Variants in GABRR1 observed in about 807,000 individuals in gnomAD.
GABRR1 encodes the protein gamma-aminobutyric acid type A receptor subunit rho1.
A neutral mutation model predicts 55.5 loss-of-function variants in GABRR1; 59 were observed. That is an observed-to-expected ratio of 1.06 (90% CI 0.86 to 1.32). The LOEUF is 1.32. Among genes scored for constraint, GABRR1 ranks in the 40% most tolerant of loss-of-function variants. The pLI is 0.00. For missense variants in GABRR1, 602 were observed against 619.1 expected (o/e 0.97, Z 0.29); for synonymous variants, 213 against 226.0 (o/e 0.94, Z 0.51).
At chr6:89,198,548 C>T (rs1582391493) in intron 4 of GABRR1, among the ~76,000 whole-genome samples, 1 of 152,078 alleles carries the variant, frequency 6.6e-6, no homozygotes, top group Non-Finnish European at 1.5e-5. Context: ...ATGTGTGACT[C>T]AAGCCACAGA....
intron 7 of GABRR1, among the ~76,000 whole-genome samples, 184 bp from the exon 8 acceptor site, chr6:89,182,241 T>C (rs1324898118): frequency 2.0e-5 from 3 of 152,214 alleles, no homozygotes; most frequent in Non-Finnish European, 4.4e-5. Flanking sequence ...TGGGTGAATC[T>C]ATCTCAAGAA....
intron 5 of GABRR1, among the ~76,000 whole-genome samples, chr6:89,192,123 C>T (rs945843309): frequency 2.6e-5 from 4 of 152,026 alleles, no homozygotes; most frequent in Non-Finnish European, 5.9e-5. Context: ...CAGGTGGAAG[C>T]GCAAGGAGAC....
chr6:89,204,612 C>G (rs531371376), intron 1 of GABRR1: 30 of 1,270,264 alleles, frequency 2.4e-5, no homozygotes, highest in South Asian at 2.0e-4. Context: ...TTTGGGCCAG[C>G]CTGAAATGGA....
At position 89,178,946 on chromosome 6, in the gene GABRR1, T is replaced by G; in HGVS notation, c.1264A>C (p.Arg422=). The part of the protein sequence containing the change: ...YMPENGEKPD[R]MMVQLTLASE... ...GCCAGGGTCAGCTGCACCATCATCC[T>G]GTCGGGCTTCTCTCCATTCTCTGGC... is the stretch of plus-strand genomic sequence containing the variant. The change falls in exon 10 of 10, where the codon AGG becomes CGG. Residue 422 remains arginine, a synonymous_variant. Coordinates refer to ENST00000454853, the MANE Select transcript of GABRR1 (RefSeq NM_002042.5). 6.2e-7 allele frequency: 1 copy of G among 1,614,216 alleles called. No homozygotes were observed. Among genetic ancestry groups the G allele is most frequent in the Non-Finnish European group, 8.5e-7 (1 of 1,180,036 alleles).
intron 5 of GABRR1, among the ~76,000 whole-genome samples, chr6:89,191,788 C>T (rs1453206606): frequency 1.3e-5 from 2 of 152,156 alleles, no homozygotes; most frequent in Non-Finnish European, 2.9e-5. Context: ...CAAACCACAC[C>T]TTAATTCAGA....
chr6:89,206,818 A>G (rs979173860), intron 1 of GABRR1, among the ~76,000 whole-genome samples: 6 of 151,856 alleles, frequency 4.0e-5, no homozygotes, highest in African/African-American at 1.5e-4. Context: ...GGGTTTCACT[A>G]TGTTGCCCAA....
At chr6:89,192,167 G>C (rs1455939240) in intron 5 of GABRR1, among the ~76,000 whole-genome samples, 4 of 152,136 alleles carry the variant, frequency 2.6e-5, no homozygotes, top group Non-Finnish European at 5.9e-5. Flanking sequence ...CTGTGGCTGG[G>C]CGGCTTCCTG....
chr6:89,206,447 C>A (rs1400527056), intron 1 of GABRR1, among the ~76,000 whole-genome samples: 1 of 152,114 alleles, frequency 6.6e-6, no homozygotes, highest in African/African-American at 2.4e-5. Context: ...CCCTTTGTTA[C>A]CCAGACAACT....
intron 2 of GABRR1, among the ~76,000 whole-genome samples, chr6:89,202,467 T>C (rs540310159): frequency 2.0e-5 from 3 of 152,028 alleles, no homozygotes; most frequent in African/African-American, 7.2e-5. Flanking sequence ...AAGTTTTATA[T>C]TTTTAGTAGA....
Position 89,197,497 on chromosome 6 carries a change from T to C in GABRR1, c.572+523A>G, listed in dbSNP as rs3777533. ...TGAGCAATTAAACGTTTTTAAAGTGTCTGAACTGGTGAGAAGATTTTATTC... is the reference window on the plus strand; with the variant it reads ...TGAGCAATTAAACGTTTTTAAAGTGCCTGAACTGGTGAGAAGATTTTATTC... On this transcript the variant is annotated intron_variant, in intron 5 of 9. Transcript: ENST00000454853. Among the ~76,000 whole-genome samples, 6 of 152,346 alleles carry C rather than the reference T, an allele frequency of 3.9e-5. No homozygotes were observed. The East Asian group carries it at 1.2e-3, about 29-fold the overall frequency.
At chr6:89,220,214 G>T (rs567479411), upstream of GABRR1, among the ~76,000 whole-genome samples, 250 of 152,284 alleles carry the variant, frequency 1.6e-3, no homozygotes, top group Non-Finnish European at 2.8e-3. Context: ...AGCTCCAGGG[G>T]CCAGGAGCCT....
intron 1 of GABRR1, among the ~76,000 whole-genome samples, chr6:89,224,829 C>A (rs1773172639): frequency 6.6e-6 from 1 of 151,996 alleles, no homozygotes; most frequent in South Asian, 2.1e-4. Context: ...GTCACCCAGG[C>A]TGGAGTGCAG....
chr6:89,218,495 T>A (rs1038804653), upstream of GABRR1, among the ~76,000 whole-genome samples: 3 of 152,222 alleles, frequency 2.0e-5, no homozygotes, highest in Non-Finnish European at 4.4e-5. Context: ...GAATGAAGTA[T>A]TCTTAAATTA....
At chr6:89,225,275 T>A (rs1198135651) in intron 1 of GABRR1, among the ~76,000 whole-genome samples, 2 of 146,858 alleles carry the variant, frequency 1.4e-5, no homozygotes, top group East Asian at 4.0e-4. Flanking sequence ...TTTTTTTTTT[T>A]AATTATACTT....
intron 2 of GABRR1, among the ~76,000 whole-genome samples, 169 bp downstream of exon 2, chr6:89,203,266 C>T (rs539682865): frequency 1.3e-5 from 2 of 152,218 alleles, no homozygotes; most frequent in East Asian, 3.9e-4. Context: ...GGAGCCACCC[C>T]GCCACCCCTG....
At chr6:89,200,241 CTTTTTTTTTTTTTTTT>C (rs10603486) in intron 3 of GABRR1, among the ~76,000 whole-genome samples, 1 of 86,364 alleles carries the variant, frequency 1.2e-5, no homozygotes, top group Admixed American at 1.6e-4. Context: ...TTCTTTTTCC[CTTTTTTTTTTTTTTTT>C]TTTTTTTTGG....
At position 89,180,465 on chromosome 6, in the gene GABRR1, A is replaced by T; in HGVS notation, c.973T>A (p.Ser325Thr). 3 of 1,613,950 alleles carry T rather than the reference A, an allele frequency of 1.9e-6. No individual in the cohort carries two copies. Among genetic ancestry groups the T allele is most frequent in the South Asian group, 1.1e-5 (1 of 91,080 alleles). Reference protein sequence around the residue: ...PLGITTVLTMSTIITGVNASM... With the variant: ...PLGITTVLTMTTIITGVNASM... ...GCATTCACGCCCGTGATGATGGTGG[A>T]CATGGTCAGCACCGTTGTGATACCT... The change falls in exon 9 of 10, where the codon TCC (serine) becomes ACC (threonine). Residue 325 changes from serine to threonine, a missense_variant. Physicochemically the swap from Ser to Thr is moderately conservative, Grantham distance 58. Around this residue, in one of 3 missense-constraint regions of GABRR1, gnomAD observed 435 missense variants for 424.2 expected, o/e 1.03. Transcript: ENST00000454853.
intron 1 of GABRR1, among the ~76,000 whole-genome samples, chr6:89,215,738 T>G (rs1332512543): frequency 6.6e-6 from 1 of 152,212 alleles, no homozygotes; most frequent in Non-Finnish European, 1.5e-5. Flanking sequence ...ACTTAATCAT[T>G]CCACACTGTA....
At position 89,178,972 on chromosome 6, in the gene GABRR1, A is replaced by T. The variant is rs1771627353; in HGVS notation, c.1238T>A (p.Met413Lys). The change falls in exon 10 of 10, where the codon ATG becomes AAG. Residue 413 changes from methionine (M) to lysine (K), a missense_variant. Met to Lys is a moderately conservative substitution (Grantham distance 95). Transcript: ENST00000454853. ...DGEVNDLDNY[M>K]PENGEKPDRM... ...GTCGGGCTTCTCTCCATTCTCTGGC[A>T]TGTAGTTGTCCAGGTCATTCACCTC... 2.5e-6 allele frequency: 4 copies of T among 1,614,116 alleles called. No homozygotes were observed. In the African/African-American group the frequency reaches 5.3e-5, roughly 22 times the overall value.
Sources: allele counts gnomAD v4.1 joint callset (sites outside exome capture counted in the v4.1 genomes callset), GRCh38; gene constraint gnomAD v4.1.1; regional missense constraint gnomAD v4.1.1; transcripts MANE v1.5; gene names NCBI Gene and HGNC (gene_info 2026-07-23, HGNC 2026-07-21).